Variants in MAFB observed in about 807,000 individuals in gnomAD.
The protein encoded by MAFB is MAF bZIP transcription factor B.
A neutral mutation model predicts 17.7 loss-of-function variants in MAFB; 3 were observed. The ratio of observed to expected loss-of-function variants is 0.17; its 90% CI spans 0.08 to 0.44. The LOEUF (loss-of-function observed/expected upper bound fraction) is 0.44, where lower values mean the gene tolerates loss of function less well. MAFB is among the 20% of genes least tolerant of loss of function. The pLI is 0.99. For missense variants in MAFB, 355 were observed against 461.3 expected, an observed-to-expected ratio of 0.77 and a Z score of 2.11; for synonymous variants, 214 against 211.5, an observed-to-expected ratio of 1.01 and a Z score of -0.10.
At position 40,686,003 on chromosome 20, in the gene MAFB, A is replaced by G. The variant is rs905079153; in HGVS notation, c.*1876T>C. The G allele has an allele frequency of 1.1e-4, 21 of 188,804 alleles. No individual in the cohort carries two copies. Among genetic ancestry groups the G allele is most frequent in the Admixed American group, 9.9e-4 (16 of 16,180 alleles). The allele number at this position is 188,804 out of a possible 1,614,324, so 11.7% of individuals were successfully genotyped here. ...GGGTTTGAAATTGATCCCTTATTTT[A>G]CATGAAATAAAAACAATTTCTGTTG... is the stretch of plus-strand genomic sequence containing the variant. On this transcript the variant is annotated 3_prime_UTR_variant, in exon 1 of 1. Transcript: ENST00000373313.
At position 40,689,158 on chromosome 20, in the gene MAFB, T is replaced by G; in HGVS notation, c.-308A>C. 1 of 390,332 alleles carries G rather than the reference T, an allele frequency of 2.6e-6. No homozygotes were observed. Among genetic ancestry groups the G allele is most frequent in the Non-Finnish European group, 4.6e-6 (1 of 218,786 alleles). The allele number at this position is 390,332 out of a possible 1,614,324, so 24.2% of individuals were successfully genotyped here. ...GGGCTGAGGGGAGGCGTGGGGCGAG[T>G]GCCCGTTGCTCGCTCTCTAGCTCTC... On this transcript the variant is annotated 5_prime_UTR_variant, in exon 1 of 1. Transcript: ENST00000373313.
Position 40,686,536 on chromosome 20 carries a change from AG to A in MAFB, c.*1342del, listed in dbSNP as rs1986831734. On this transcript the variant is annotated 3_prime_UTR_variant, in exon 1 of 1. Coordinates refer to ENST00000373313, the MANE Select transcript of MAFB (RefSeq NM_005461.5). ...AGTGTCTGCTTACCAGTGCACTGCCAGGGTCAGGGATGGCTAAGCCTCTCAC... is the reference window on the plus strand; with the variant it reads ...AGTGTCTGCTTACCAGTGCACTGCCAGGTCAGGGATGGCTAAGCCTCTCAC... 2.5e-6 allele frequency: 1 copy of A among 396,566 alleles called. No individual in the cohort carries two copies. Among genetic ancestry groups the A allele is most frequent in the African/African-American group, 2.1e-5 (1 of 48,640 alleles). The allele number at this position is 396,566 out of a possible 1,614,324, so 24.6% of individuals were successfully genotyped here.
chr20:40,687,087 C>A lies in MAFB; in HGVS notation c.*792G>T. ...AAGCCTACAGCTGGGACTGAAACCC[C>A]GCACGCAGCCGCCGGAGTTTCCAAA... is the stretch of plus-strand genomic sequence containing the variant. On this transcript the variant is annotated 3_prime_UTR_variant, in exon 1 of 1. Coordinates refer to ENST00000373313, the MANE Select transcript of MAFB (RefSeq NM_005461.5). 1 of 398,910 alleles carries A rather than the reference C, an allele frequency of 2.5e-6. No individual in the cohort carries two copies. The highest frequency in any genetic ancestry group is 4.4e-6 in the Non-Finnish European group (1 of 226,050). The allele number at this position is 398,910 out of a possible 1,614,324, so 24.7% of individuals were successfully genotyped here.
In MAFB at chr20:40,688,736, C is replaced by G. The variant is rs1418136550; in HGVS notation, c.115G>C (p.Ala39Pro). Reference sequence around the variant, plus strand: ...GTGCAGGGCCTGCCCGGACGCTCCGCGCGCCCCAGTGGCTCCTTCTTCACG... The same window carrying G: ...GTGCAGGGCCTGCCCGGACGCTCCGGGCGCCCCAGTGGCTCCTTCTTCACG... ...FDVKKEPLGR[A>P]ERPGRPCTRL... The change falls in exon 1 of 1, where the codon GCG becomes CCG. Residue 39 changes from alanine to proline, a missense_variant. This residue lies in a region of MAFB where 285 missense variants were observed against 350.0 expected (regional missense o/e 0.81). Transcript: ENST00000373313. 2 of 1,613,780 alleles carry G rather than the reference C, an allele frequency of 1.2e-6. No individual in the cohort carries two copies. The highest frequency in any genetic ancestry group is 1.7e-6 in the Non-Finnish European group (2 of 1,179,910).
chr20:40,687,686 T>C lies in MAFB; in HGVS notation c.*193A>G, dbSNP rs1986861552. ...GCGCTGGCGTGCGCTACTCTCGCCT[T>C]AGCCAAGGTCCCCTGCCCGCCCGCG... On this transcript the variant is annotated 3_prime_UTR_variant, in exon 1 of 1. Coordinates refer to ENST00000373313, the MANE Select transcript of MAFB (RefSeq NM_005461.5). 1 of 664,570 alleles carries C rather than the reference T, an allele frequency of 1.5e-6. No homozygotes were observed. Among genetic ancestry groups the C allele is most frequent in the Non-Finnish European group, 2.5e-6 (1 of 396,116 alleles). 41.2% of individuals were successfully genotyped at this position (664,570 alleles called of 1,614,324 possible). A position where few individuals can be genotyped will look rare whatever the true frequency, so the allele number is the denominator to read the frequency against.
rs1568743237 is a variant in MAFB at position 40,687,848 on chromosome 20, G to A, written c.*31C>T. 6.3e-7 allele frequency: 1 copy of A among 1,598,908 alleles called. No homozygotes were observed. Among genetic ancestry groups the A allele is most frequent in the Non-Finnish European group, 8.5e-7 (1 of 1,176,758 alleles). ...ACGTGGGACAGGGAGTCCGGGCCGG[G>A]GCAAGGGCGGGGGCCAGGACCGGCC... On this transcript the variant is annotated 3_prime_UTR_variant, in exon 1 of 1. Transcript: ENST00000373313.
chr20:40,687,447 T>G lies in MAFB; in HGVS notation c.*432A>C. On this transcript the variant is annotated 3_prime_UTR_variant, in exon 1 of 1. Transcript: ENST00000373313. Reference sequence around the variant, plus strand: ...GCCGGGACGCCAGAGTCCCTCTCCTTTCCTCGTTGCTCTCTTCCTGGCGCG... The same window carrying G: ...GCCGGGACGCCAGAGTCCCTCTCCTGTCCTCGTTGCTCTCTTCCTGGCGCG... 2 of 349,160 alleles carry G rather than the reference T, an allele frequency of 5.7e-6. No homozygotes were observed. Among genetic ancestry groups the G allele is most frequent in the Non-Finnish European group, 5.1e-6 (1 of 195,194 alleles). The allele number at this position is 349,160 out of a possible 1,614,324, so 21.6% of individuals were successfully genotyped here. A position where few individuals can be genotyped will look rare whatever the true frequency, so the allele number is the denominator to read the frequency against.
Position 40,687,334 on chromosome 20 carries a change from G to A in MAFB, c.*545C>T, listed in dbSNP as rs1470153999. ...GCCGAGCGTCCTAACTGAGGCCTGT[G>A]TCTCAGGGCTGAGAGCCAGTGTTCT... On this transcript the variant is annotated 3_prime_UTR_variant, in exon 1 of 1. Transcript: ENST00000373313. 5.0e-6 allele frequency: 2 copies of A among 397,330 alleles called. No individual in the cohort carries two copies. The highest frequency in any genetic ancestry group is 8.9e-6 in the Non-Finnish European group (2 of 225,704). 24.6% of individuals were successfully genotyped at this position (397,330 alleles called of 1,614,324 possible).
chr20:40,688,601 C>T lies in MAFB; in HGVS notation c.250G>A (p.Asp84Asn), dbSNP rs1229624790. ...TAGTTGCTCGCCATCCAGTACAGATCCTCGAGGTGTGTCTTCTGTTCGGTC... is the reference window on the plus strand; with the variant it reads ...TAGTTGCTCGCCATCCAGTACAGATTCTCGAGGTGTGTCTTCTGTTCGGTC... ...SPTEQKTHLE[D>N]LYWMASNYQQ... Residue 84 changes from aspartate to asparagine, a missense_variant, in exon 1 of 1, where the codon GAT becomes AAT. This residue lies in a region of MAFB where 285 missense variants were observed against 350.0 expected (regional missense o/e 0.81). Transcript: ENST00000373313. 5 of 1,614,014 alleles carry T rather than the reference C, an allele frequency of 3.1e-6. No homozygotes were observed. The highest frequency in any genetic ancestry group is 4.2e-6 in the Non-Finnish European group (5 of 1,179,984).
chr20:40,688,788 G>A lies in MAFB; in HGVS notation c.63C>T (p.Val21=). ...CGAACTTGAGCAGGTCGAAGTCGTT[G>A]ACATACTCCATGGCCAGCGGGCTGG... ...LPTSPLAMEY[V]NDFDLLKFDV... The change falls in exon 1 of 1, where the codon GTC becomes GTT. Residue 21 remains valine, a synonymous_variant. Transcript: ENST00000373313. The A allele has an allele frequency of 6.2e-7, 1 of 1,613,656 alleles. No homozygotes were observed. The highest frequency in any genetic ancestry group is 2.2e-5 in the East Asian group (1 of 44,858).
chr20:40,686,653 G>A lies in MAFB; in HGVS notation c.*1226C>T, dbSNP rs886056662. 4.0e-5 allele frequency: 16 copies of A among 398,334 alleles called. No individual in the cohort carries two copies. Among genetic ancestry groups the A allele is most frequent in the Non-Finnish European group, 5.3e-5 (12 of 226,074 alleles). 24.7% of individuals were successfully genotyped at this position (398,334 alleles called of 1,614,324 possible). On this transcript the variant is annotated 3_prime_UTR_variant, in exon 1 of 1. Transcript: ENST00000373313. ...ATTCTGGTTACAATAAAAAGCAGAGGGGAGGATCTGTTTTCCTTTCCTTTC... is the reference window on the plus strand; with the variant it reads ...ATTCTGGTTACAATAAAAAGCAGAGAGGAGGATCTGTTTTCCTTTCCTTTC...
In MAFB at chr20:40,688,371, G is replaced by C. The variant is rs755086273; in HGVS notation, c.480C>G (p.His160Gln). The C allele has an allele frequency of 1.3e-6, 2 of 1,550,832 alleles. No individual in the cohort carries two copies. The highest frequency in any genetic ancestry group is 1.8e-5 in the Admixed American group (1 of 54,916). ...VAHDELGPHA[H>Q]PHHHHHHQAS... is the part of the protein sequence containing the mutation. ...CTTGGTGATGATGGTGATGGTGCGGGTGAGCGTGCGGGCCCAGCTCGTCGT... is the reference window on the plus strand; with the variant it reads ...CTTGGTGATGATGGTGATGGTGCGGCTGAGCGTGCGGGCCCAGCTCGTCGT... The change falls in exon 1 of 1, where the codon CAC becomes CAG. Residue 160 changes from histidine to glutamine, a missense_variant. His to Gln is a conservative substitution (Grantham distance 24). Coordinates refer to ENST00000373313, the MANE Select transcript of MAFB (RefSeq NM_005461.5).
chr20:40,688,469 G>A lies in MAFB; in HGVS notation c.382C>T (p.Arg128Cys), dbSNP rs1986892577. ...PQPLQSFDSF[R>C]GAHHHHHHHH... ...TGATGGTGGTGGTGGTGAGCGCCGC[G>A]AAAGCTGTCGAAGCTTTGCAGCGGC... Residue 128 changes from arginine to cysteine, a missense_variant, in exon 1 of 1, where the codon CGC becomes TGC. Transcript: ENST00000373313. 2 of 1,607,252 alleles carry A rather than the reference G, an allele frequency of 1.2e-6. No individual in the cohort carries two copies. Among genetic ancestry groups the A allele is most frequent in the Admixed American group, 1.7e-5 (1 of 59,920 alleles).
rs1238698710 is a variant in MAFB, at chr20:40,687,018, T to C, written c.*861A>G. The C allele has an allele frequency of 2.5e-6, 1 of 398,818 alleles. No individual in the cohort carries two copies. Among genetic ancestry groups the C allele is most frequent in the East Asian group, 3.6e-5 (1 of 28,068 alleles). 24.7% of individuals were successfully genotyped at this position (398,818 alleles called of 1,614,324 possible). A position where few individuals can be genotyped will look rare whatever the true frequency, so the allele number is the denominator to read the frequency against. Reference sequence around the variant, plus strand: ...ATAAACCCAAACAAAGACCCTCAGCTTGCTGCCACGTTCTCTATGCGGTTT... The same window carrying C: ...ATAAACCCAAACAAAGACCCTCAGCCTGCTGCCACGTTCTCTATGCGGTTT... On this transcript the variant is annotated 3_prime_UTR_variant, in exon 1 of 1. Coordinates refer to ENST00000373313, the MANE Select transcript of MAFB (RefSeq NM_005461.5).
chr20:40,689,088 C>G lies in MAFB; in HGVS notation c.-238G>C. On this transcript the variant is annotated 5_prime_UTR_variant, in exon 1 of 1. Transcript: ENST00000373313. ...GGCTGTGCCCGCGCAGGGACCGGGC[C>G]GGGTAGAGTCGGGCGGGGTGGAGAG... 2.0e-6 allele frequency: 1 copy of G among 495,100 alleles called. No individual in the cohort carries two copies. The highest frequency in any genetic ancestry group is 3.3e-6 in the Non-Finnish European group (1 of 302,248). 30.7% of individuals were successfully genotyped at this position (495,100 alleles called of 1,614,324 possible).
At position 40,687,793 on chromosome 20, in the gene MAFB, G is replaced by A; in HGVS notation, c.*86C>T. The A allele has an allele frequency of 3.4e-6, 5 of 1,461,976 alleles. No homozygotes were observed. The South Asian group carries it at 5.1e-5, about 15-fold the overall frequency. The allele number at this position is 1,461,976 out of a possible 1,614,324, so 90.6% of individuals were successfully genotyped here. On this transcript the variant is annotated 3_prime_UTR_variant, in exon 1 of 1. Transcript: ENST00000373313. ...AGGTCAAGGCTGGGGCCGCGGCAGG[G>A]ACAGGGTCCGGGGTAGTCTGGGACT...
At position 40,688,406 on chromosome 20, in the gene MAFB, C is replaced by T; in HGVS notation, c.445G>A (p.Gly149Ser). 6.3e-7 allele frequency: 1 copy of T among 1,574,904 alleles called. No homozygotes were observed. Among genetic ancestry groups the T allele is most frequent in the Admixed American group, 1.7e-5 (1 of 58,166 alleles). The change falls in exon 1 of 1, where the codon GGC becomes AGC. Residue 149 changes from glycine (G) to serine (S), a missense_variant. By Grantham distance (56) the Gly-to-Ser change is moderately conservative. Around this residue, in one of 3 missense-constraint regions of MAFB, gnomAD observed 285 missense variants for 350.0 expected, o/e 0.81. Coordinates refer to ENST00000373313, the MANE Select transcript of MAFB (RefSeq NM_005461.5). ...GGGCCCAGCTCGTCGTGGGCCACGC[C>T]GGCGCCCGGGTACGCGTGGTGCGGG... is the stretch of plus-strand genomic sequence containing the variant. ...PHPHHAYPGA[G>S]VAHDELGPHA...
rs1406571572 is a variant in MAFB, at chr20:40,687,865, G to C, written c.*14C>G. On this transcript the variant is annotated 3_prime_UTR_variant, in exon 1 of 1. Transcript: ENST00000373313. The stretch of plus-strand genomic sequence containing the variant: ...CGGGCCGGGGCAAGGGCGGGGGCCA[G>C]GACCGGCCACGACTCACAGAAAGAA... 2 of 1,606,054 alleles carry C rather than the reference G, an allele frequency of 1.2e-6. No homozygotes were observed. The highest frequency in any genetic ancestry group is 1.7e-5 in the Admixed American group (1 of 59,986).
In MAFB at chr20:40,685,910, CA is replaced by C; in HGVS notation, c.*1968del. On this transcript the variant is annotated 3_prime_UTR_variant, in exon 1 of 1. Transcript: ENST00000373313. ...CAAAATAGGAAACCATTTTAATAAC[CA>C]AAAAACAGAAACCAGTCTGAATAAA... The C allele has an allele frequency of 5.5e-6, 1 of 183,060 alleles. No individual in the cohort carries two copies. The highest frequency in any genetic ancestry group is 1.2e-5 in the Non-Finnish European group (1 of 85,788). The allele number at this position is 183,060 out of a possible 1,614,324, so 11.3% of individuals were successfully genotyped here. A position where few individuals can be genotyped will look rare whatever the true frequency, so the allele number is the denominator to read the frequency against.
Sources: gnomAD v4.1 joint callset for allele counts on GRCh38, gnomAD v4.1.1 for gene constraint, gnomAD v4.1.1 regional missense constraint, MANE v1.5 for transcripts, NCBI Gene and HGNC (gene_info 2026-07-23, HGNC 2026-07-21) for gene names.